HELB: variants seen among roughly 807,000 people sequenced by gnomAD.
The protein encoded by HELB is DNA 5'-3' helicase B.
In HELB, 96 loss-of-function variants were observed where a neutral mutation model predicts 101.7. That is an observed-to-expected ratio of 0.94 (90% CI 0.80 to 1.12). The LOEUF (loss-of-function observed/expected upper bound fraction) is 1.12, where lower values mean the gene tolerates loss of function less well. HELB is among the 50% of genes most tolerant of loss of function. HELB has a pLI of 0.00. For synonymous variants in HELB, 437 were observed against 459.7 expected (o/e 0.95, Z 0.63); for missense variants, 1,210 against 1,291.9 (o/e 0.94, Z 0.97).
chr12:66,335,280 G>C (rs1317749347), intron 12 of HELB, among the ~76,000 whole-genome samples: 1 of 152,210 alleles, frequency 6.6e-6, no homozygotes, highest in South Asian at 2.1e-4. Flanking sequence ...AGGACTAGGT[G>C]AGTTAATTTC....
intron 3 of HELB, among the ~76,000 whole-genome samples, chr12:66,307,245 G>A (rs893884329): frequency 2.6e-5 from 4 of 152,126 alleles, no homozygotes. Context: ...TACATAAAAT[G>A]TCTATGAATT....
At chr12:66,343,462 G>A (rs931206581) in exon 14 of HELB, 5 of 152,046 alleles carry the variant, frequency 3.3e-5, no homozygotes, top group African/African-American at 1.2e-4. Context: ...GCAGAGATAG[G>A]GGTTCACCAT....
intron 11 of HELB, among the ~76,000 whole-genome samples, chr12:66,325,869 G>A (rs1031133352): frequency 3.3e-5 from 5 of 151,688 alleles, no homozygotes; most frequent in African/African-American, 9.7e-5. Flanking sequence ...TTATCCCCCC[G>A]CCCCCAACTT....
chr12:66,326,842 G>A (rs936032418), intron 11 of HELB, among the ~76,000 whole-genome samples: 3 of 149,342 alleles, frequency 2.0e-5, no homozygotes, highest in African/African-American at 7.4e-5. Context: ...GACCAACCCT[G>A]GCCAACATGG....
intron 11 of HELB, among the ~76,000 whole-genome samples, chr12:66,326,523 G>C (rs574083069): frequency 3.3e-5 from 5 of 152,124 alleles, no homozygotes; most frequent in African/African-American, 9.6e-5. Context: ...TTACAGGCCT[G>C]AGCCACTGCA....
In HELB at chr12:66,302,525, C is replaced by T. The variant is rs774466557; in HGVS notation, c.-79C>T. 1.1e-5 allele frequency: 15 copies of T among 1,402,840 alleles called. No homozygotes were observed. The highest frequency in any genetic ancestry group is 5.6e-5 in the African/African-American group (4 of 71,016). 86.9% of individuals were successfully genotyped at this position (1,402,840 alleles called of 1,614,324 possible). On this transcript the variant is annotated 5_prime_UTR_variant, in exon 1 of 13. Coordinates refer to ENST00000247815, the MANE Select transcript of HELB (RefSeq NM_001370285.1). ...TCCCGGAAGTTGATGGCCTTACAGT[C>T]GTAGAACTGATTGGCTGATCATGAC... is the stretch of plus-strand genomic sequence containing the variant.
intron 1 of HELB, among the ~76,000 whole-genome samples, chr12:66,303,030 C>T (rs1286126411): frequency 6.9e-6 from 1 of 144,026 alleles, no homozygotes; most frequent in Non-Finnish European, 1.5e-5. Context: ...AGATTTATTG[C>T]AAAGAGCGAA....
At chr12:66,333,722 A>T (rs2137017777) in intron 12 of HELB, among the ~76,000 whole-genome samples, 1 of 152,266 alleles carries the variant, frequency 6.6e-6, no homozygotes, top group South Asian at 2.1e-4. Flanking sequence ...AGGTTGGCTA[A>T]GGTGGCTAGT....
At position 66,309,835 on chromosome 12, in the gene HELB, C is replaced by G. The variant is rs1327665699; in HGVS notation, c.907C>G (p.Gln303Glu). ...ATTAATAATGTATTCCAGACTGAAG[C>G]AGATATGTAGAGAAGATGGGCACAC... ...NALIMYSRLKQICREDGHTYV... is the reference protein window; with the variant it reads ...NALIMYSRLKEICREDGHTYV... Residue 303 changes from glutamine to glutamate, a missense_variant, in exon 4 of 13, where the codon CAG (glutamine) becomes GAG (glutamate). Physicochemically the swap from Gln to Glu is conservative, Grantham distance 29. Transcript: ENST00000247815. The G allele has an allele frequency of 1.2e-6, 2 of 1,614,016 alleles. No individual in the cohort carries two copies. The highest frequency in any genetic ancestry group is 3.3e-5 in the Admixed American group (2 of 60,018).
chr12:66,338,322 T>C, downstream of HELB: 1 of 392,708 alleles, frequency 2.5e-6, no homozygotes, highest in Non-Finnish European at 4.5e-6. Flanking sequence ...ATTAGATATT[T>C]TATATACATA....
chr12:66,321,936 T>C lies in HELB; in HGVS notation c.2156-12T>C, dbSNP rs1419300508. The C allele has an allele frequency of 2.0e-6, 2 of 982,494 alleles. No homozygotes were observed. The highest frequency in any genetic ancestry group is 2.8e-5 in the South Asian group (2 of 70,890). The allele number at this position is 982,494 out of a possible 1,614,324, so 60.9% of individuals were successfully genotyped here. ...GATTTGCTGTGTTAACTTTTTTCTC[T>C]TGAATTATTAGGTTTATATTCTGCA... On this transcript the variant is annotated splice_polypyrimidine_tract_variant and intron_variant, in intron 7 of 12. Transcript: ENST00000247815.
chr12:66,311,131 G>T (rs1252772172), intron 4 of HELB, among the ~76,000 whole-genome samples: 1 of 149,998 alleles, frequency 6.7e-6, no homozygotes, highest in Admixed American at 6.7e-5. Flanking sequence ...TCAGTGCACT[G>T]CTTCCTTCTT....
At chr12:66,321,044 T>G (rs1218815403) in intron 7 of HELB, among the ~76,000 whole-genome samples, 2 of 152,164 alleles carry the variant, frequency 1.3e-5, no homozygotes, top group African/African-American at 4.8e-5. Flanking sequence ...CTTGGCTGTT[T>G]TCTAGCGGTA....
intron 6 of HELB, among the ~76,000 whole-genome samples, chr12:66,317,690 A>T (rs891927269): frequency 6.6e-6 from 1 of 152,196 alleles, no homozygotes; most frequent in African/African-American, 2.4e-5. Context: ...TTTATTGACT[A>T]TGAAGGATCC....
chr12:66,318,725 A>G lies in HELB; in HGVS notation c.2088A>G (p.Thr696=), dbSNP rs140510912. 1,821 of 1,611,326 alleles carry G rather than the reference A, an allele frequency of 1.1e-3. 3 individuals carry two copies. The highest frequency in any genetic ancestry group is 1.4e-3 in the Non-Finnish European group (1,696 of 1,179,090). The change falls in exon 7 of 13, where the codon ACA becomes ACG. Residue 696 remains threonine, a synonymous_variant. Transcript: ENST00000247815. ...TACCCATCTCAATTCAAGATAAGAC[A>G]TTTATTTTTGTCAGGCTCCCAGAAG... ...PTLPISIQDK[T]FIFVRLPEED...
At chr12:66,309,371 T>C (rs899952863) in intron 3 of HELB, among the ~76,000 whole-genome samples, 3 of 152,156 alleles carry the variant, frequency 2.0e-5, no homozygotes, top group African/African-American at 7.2e-5. Flanking sequence ...AATATGGAAG[T>C]AAATTCTGGA....
intron 3 of HELB, 38 bp from the exon 4 acceptor site, chr12:66,309,668 T>C (rs772979525): frequency 1.1e-5 from 15 of 1,341,638 alleles, no homozygotes; most frequent in African/African-American, 5.9e-5. Context: ...TAAACACTTA[T>C]GATGTTTATA....
chr12:66,330,045 A>G (rs193302795), intron 11 of HELB, among the ~76,000 whole-genome samples: 6 of 152,280 alleles, frequency 3.9e-5, no homozygotes, highest in Admixed American at 6.5e-5. Context: ...TTTGCAGCGG[A>G]TGTGTATTTT....
intron 11 of HELB, among the ~76,000 whole-genome samples, chr12:66,329,306 C>T (rs996475422): frequency 1.4e-4 from 22 of 152,136 alleles, no homozygotes; most frequent in Admixed American, 1.4e-3. Flanking sequence ...CTCAGTGAGG[C>T]ACTGGAGAAA....
Sources: gnomAD v4.1 joint callset for allele counts (sites outside exome capture counted in the v4.1 genomes callset) on GRCh38, gnomAD v4.1.1 for gene constraint, MANE v1.5 for transcripts, NCBI Gene and HGNC (gene_info 2026-07-23, HGNC 2026-07-21) for gene names.